MAP3K14: variants seen among roughly 807,000 people sequenced by gnomAD.
The protein encoded by MAP3K14 is mitogen-activated protein kinase kinase kinase 14.
In MAP3K14, 16 loss-of-function variants were observed where a neutral mutation model predicts 99.2. That is an observed-to-expected ratio of 0.16 (90% confidence interval 0.11 to 0.24). The LOEUF is 0.24. Ranked by LOEUF, MAP3K14 falls within the 10% of genes least tolerant of loss-of-function variation. The pLI is 1.00. For missense variants in MAP3K14, 784 were observed against 1,208.7 expected, an observed-to-expected ratio of 0.65 and a Z score of 5.21; for synonymous variants, 462 against 492.4, an observed-to-expected ratio of 0.94 and a Z score of 0.82.
intron 1 of MAP3K14, among the ~76,000 whole-genome samples, chr17:45,303,948 T>C (rs2044410642): frequency 6.6e-6 from 1 of 152,074 alleles, no homozygotes; most frequent in Non-Finnish European, 1.5e-5. Flanking sequence ...ATTGTATCTT[T>C]CACTTAAGAT....
chr17:45,311,474 T>A (rs957145868), intron 1 of MAP3K14, among the ~76,000 whole-genome samples: 1 of 152,198 alleles, frequency 6.6e-6, no homozygotes, highest in Non-Finnish European at 1.5e-5. Context: ...TCCAGAACAG[T>A]GTCTGAAGAA....
intron 8 of MAP3K14, 28 bp downstream of exon 8, chr17:45,274,095 G>A (rs1470781598): frequency 3.7e-6 from 6 of 1,603,818 alleles, no homozygotes; most frequent in Non-Finnish European, 5.1e-6. Context: ...GCCTGCTGGG[G>A]ATCAGGGCCG....
At chr17:45,309,698 AC>A (rs2044457632) in intron 1 of MAP3K14, among the ~76,000 whole-genome samples, 1 of 151,950 alleles carries the variant, frequency 6.6e-6, no homozygotes, top group African/African-American at 2.4e-5. Context: ...TTCTAACTGC[AC>A]CCCAGCAAGC....
At position 45,296,578 on chromosome 17, in the gene MAP3K14, G is replaced by C. The variant is rs2044348129; in HGVS notation, c.-20-5813C>G. Among the ~76,000 whole-genome samples, 4 of 152,298 alleles carry C rather than the reference G, an allele frequency of 2.6e-5. No individual in the cohort carries two copies. In the South Asian group the frequency reaches 8.3e-4, roughly 32 times the overall value. On this transcript the variant is annotated intron_variant, in intron 1 of 15. Transcript: ENST00000344686. ...AAGAGGGAACCAAGGGCAAGTATCAGGCAGAGCAAGCTGGCCTGGCAAAAC... is the reference window on the plus strand; with the variant it reads ...AAGAGGGAACCAAGGGCAAGTATCACGCAGAGCAAGCTGGCCTGGCAAAAC...
In MAP3K14 at chr17:45,283,979, C is replaced by T. The variant is rs373294991; in HGVS notation, c.1290+833G>A. ...GGAGAAGGACCGACACCTGTAAGGT[C>T]TGTCGGTCTGCAGCCGCCACCGATG... On this transcript the variant is annotated intron_variant, in intron 6 of 15. Coordinates refer to ENST00000344686, the MANE Select transcript of MAP3K14 (RefSeq NM_003954.5). Among the ~76,000 whole-genome samples the T allele has an allele frequency of 2.6e-5, 4 of 152,092 alleles. No homozygotes were observed. In the South Asian group the frequency reaches 8.3e-4, roughly 31 times the overall value.
chr17:45,277,933 A>G (rs989820114), intron 6 of MAP3K14, among the ~76,000 whole-genome samples: 1 of 152,252 alleles, frequency 6.6e-6, no homozygotes, highest in Non-Finnish European at 1.5e-5. Context: ...TGAGATGTGC[A>G]ACAAGGCATA....
At chr17:45,271,843 TAGTAAGTAATACC>T (rs1443253342) in intron 9 of MAP3K14, among the ~76,000 whole-genome samples, 1 of 152,166 alleles carries the variant, frequency 6.6e-6, no homozygotes, top group Non-Finnish European at 1.5e-5. Context: ...TGTAGAAGGC[TAGTAAGTAATACC>T]AGTAAGTAAT....
chr17:45,299,856 G>C (rs989419669), intron 1 of MAP3K14, among the ~76,000 whole-genome samples: 1 of 152,146 alleles, frequency 6.6e-6, no homozygotes, highest in Non-Finnish European at 1.5e-5. Context: ...TTCGGAGGCC[G>C]AGGCAGGTGG....
intron 1 of MAP3K14, 68 bp from the exon 2 acceptor site, chr17:45,290,833 G>T: frequency 6.6e-7 from 1 of 1,522,136 alleles, no homozygotes; most frequent in Non-Finnish European, 8.9e-7. Flanking sequence ...GGTCAGCCTT[G>T]GGTTGGGGGA....
intron 13 of MAP3K14, 149 bp from the exon 14 acceptor site, chr17:45,266,830 C>T (rs898686534): frequency 1.9e-5 from 16 of 847,574 alleles, no homozygotes; most frequent in East Asian, 2.7e-5. Context: ...AGGCCTGCCT[C>T]CCCATTATCT....
rs564518950 is a variant in MAP3K14 at position 45,264,419 on chromosome 17, C to A, written c.*217G>T. 7.2e-6 allele frequency: 4 copies of A among 552,940 alleles called. No individual in the cohort carries two copies. The highest frequency in any genetic ancestry group is 1.3e-5 in the Non-Finnish European group (4 of 313,938). The allele number at this position is 552,940 out of a possible 1,614,324, so 34.3% of individuals were successfully genotyped here. A position where few individuals can be genotyped will look rare whatever the true frequency, so the allele number is the denominator to read the frequency against. ...CATCCTCCTCTGTCTCTTCACGTGGCGGAGTGTTTTCTCAGCAGGGTGGGG... is the reference window on the plus strand; with the variant it reads ...CATCCTCCTCTGTCTCTTCACGTGGAGGAGTGTTTTCTCAGCAGGGTGGGG... On this transcript the variant is annotated 3_prime_UTR_variant, in exon 16 of 16. Transcript: ENST00000344686.
At position 45,274,599 on chromosome 17, in the gene MAP3K14, A is replaced by G. The variant is rs2044165135; in HGVS notation, c.1291-6T>C. On this transcript the variant is annotated splice_region_variant and splice_polypyrimidine_tract_variant and intron_variant, in intron 6 of 15. Transcript: ENST00000344686. ...CGAAATACTTCCAGCCGCACCTGCAAGGGCCCAGAGGCAGCTGTTAAGACA... is the reference window on the plus strand; with the variant it reads ...CGAAATACTTCCAGCCGCACCTGCAGGGGCCCAGAGGCAGCTGTTAAGACA... 6.2e-7 allele frequency: 1 copy of G among 1,612,908 alleles called. No individual in the cohort carries two copies.
chr17:45,263,686 G>A lies in MAP3K14; in HGVS notation c.*950C>T, dbSNP rs907386633. 6.5e-6 allele frequency: 1 copy of A among 152,726 alleles called. No individual in the cohort carries two copies. The highest frequency in any genetic ancestry group is 1.5e-5 in the Non-Finnish European group (1 of 68,158). 9.5% of individuals were successfully genotyped at this position (152,726 alleles called of 1,614,324 possible). ...AGGGTGAGTGTCAGTGTGATGCTGA[G>A]CTGTGCTCTGGGGAACCAGCACGCT... On this transcript the variant is annotated 3_prime_UTR_variant, in exon 16 of 16. Transcript: ENST00000344686.
intron 1 of MAP3K14, among the ~76,000 whole-genome samples, chr17:45,308,928 A>AC (rs1249305686): frequency 6.6e-6 from 1 of 152,034 alleles, no homozygotes; most frequent in Non-Finnish European, 1.5e-5. Context: ...TGGCCTCCCG[A>AC]AGTGCTGGGA....
chr17:45,276,756 G>A (rs1003292792), intron 6 of MAP3K14, among the ~76,000 whole-genome samples: 2 of 149,334 alleles, frequency 1.3e-5, no homozygotes, highest in Middle Eastern at 3.6e-3. Context: ...CAGGTGATCC[G>A]CCTACCTTGG....
chr17:45,312,424 G>C (rs766406116), intron 1 of MAP3K14, among the ~76,000 whole-genome samples: 32 of 152,062 alleles, frequency 2.1e-4, no homozygotes, highest in Non-Finnish European at 3.7e-4. Context: ...ATGACTCTTC[G>C]GCCATCAAGT....
chr17:45,305,396 GTTT>G (rs35851298), intron 1 of MAP3K14, among the ~76,000 whole-genome samples: 1 of 113,926 alleles, frequency 8.8e-6, no homozygotes, highest in Admixed American at 9.2e-5. Context: ...GCGCCCGGCC[GTTT>G]TTTTTTTTTT....
intron 6 of MAP3K14, among the ~76,000 whole-genome samples, chr17:45,277,252 A>G (rs553363976): frequency 2.4e-4 from 37 of 152,244 alleles, no homozygotes; most frequent in Admixed American, 2.0e-3. Flanking sequence ...TGCTGCACCC[A>G]TTAACTTGTC....
chr17:45,300,104 A>G (rs911926469), intron 1 of MAP3K14, among the ~76,000 whole-genome samples: 2 of 152,172 alleles, frequency 1.3e-5, no homozygotes, highest in Admixed American at 1.3e-4. Context: ...AACAAAACTC[A>G]GTCTTGCTGC....
Sources: allele counts gnomAD v4.1 joint callset (sites outside exome capture counted in the v4.1 genomes callset), GRCh38; gene constraint gnomAD v4.1.1; transcripts MANE v1.5; gene names NCBI Gene and HGNC (gene_info 2026-07-23, HGNC 2026-07-21).